The following SPMIP10 variants were observed in gnomAD, a reference collection of about 807,000 sequenced individuals.
The protein encoded by SPMIP10 is sperm-associated microtubule inner protein 10.
At chr5:126,632,587 G>A in the SPMIP10 span, 1 of 1,612,242 alleles carries the variant, frequency 6.2e-7, no homozygotes, top group African/African-American at 1.3e-5. Flanking sequence ...TTAAAGCAAG[G>A]GATGATCCCA....
chr5:126,636,280 C>T, the SPMIP10 span: 1 of 1,491,770 alleles, frequency 6.7e-7, no homozygotes. Flanking sequence ...TCAATCTCTG[C>T]TCTCTTACTG....
At chr5:126,633,813 G>GGGA in the SPMIP10 span, among the ~76,000 whole-genome samples, 1 of 152,014 alleles carries the variant, frequency 6.6e-6, no homozygotes, top group Admixed American at 6.6e-5. Flanking sequence ...ACAGGCACAT[G>GGGA]CCACCATGCC....
chr5:126,631,746 G>T, the SPMIP10 span: 1 of 1,610,954 alleles, frequency 6.2e-7, no homozygotes, highest in Non-Finnish European at 8.5e-7. Flanking sequence ...TGGCTTCAGG[G>T]AAAGATACTT....
chr5:126,633,024 T>TATATATATATATATATATATATATAA, the SPMIP10 span, among the ~76,000 whole-genome samples: 850 of 138,636 alleles, frequency 6.1e-3, 36 homozygotes, highest in African/African-American at 0.025. Context: ...TATATATATA[T>TATATATATATATATATATATATATAA]ATATATATAA....
chr5:126,632,555 G>T, the SPMIP10 span: 2 of 1,591,584 alleles, frequency 1.3e-6, no homozygotes, highest in African/African-American at 2.7e-5. Context: ...GGTATGAAGA[G>T]ATTCATTTGC....
chr5:126,633,412 G>A, the SPMIP10 span, among the ~76,000 whole-genome samples: 1 of 152,012 alleles, frequency 6.6e-6, no homozygotes, highest in African/African-American at 2.4e-5. Context: ...CCAGGCTGGA[G>A]TGCAGTGGCG....
the SPMIP10 span, chr5:126,632,685 A>G: frequency 1.6e-6 from 2 of 1,225,598 alleles, no homozygotes; most frequent in Non-Finnish European, 2.4e-6. Flanking sequence ...ATAAGGAAAA[A>G]AAACAAAAAC....
the SPMIP10 span, among the ~76,000 whole-genome samples, chr5:126,632,127 A>G: frequency 6.6e-6 from 1 of 151,672 alleles, no homozygotes; most frequent in African/African-American, 2.4e-5. Flanking sequence ...GGCAGGGTGC[A>G]GTGGCTCACG....
At chr5:126,633,768 A>G in the SPMIP10 span, among the ~76,000 whole-genome samples, 1 of 152,058 alleles carries the variant, frequency 6.6e-6, no homozygotes, top group Non-Finnish European at 1.5e-5. Flanking sequence ...GGCTCAGGTG[A>G]TCCTCCCACC....
the SPMIP10 span, among the ~76,000 whole-genome samples, chr5:126,635,313 T>A: frequency 6.6e-6 from 1 of 152,046 alleles, no homozygotes; most frequent in South Asian, 2.1e-4. Context: ...CAAACAGTTG[T>A]TATTTATTTA....
chr5:126,634,563 C>T, the SPMIP10 span, among the ~76,000 whole-genome samples: 1 of 152,186 alleles, frequency 6.6e-6, no homozygotes, highest in African/African-American at 2.4e-5. Context: ...CTGACTTTTT[C>T]ATTTATGAGA....
chr5:126,632,720 A>T, the SPMIP10 span: 1 of 945,596 alleles, frequency 1.1e-6, no homozygotes. Flanking sequence ...GGATGCGGTG[A>T]CTTGTGCCAA....
chr5:126,634,538 A>G, the SPMIP10 span, among the ~76,000 whole-genome samples: 1 of 152,240 alleles, frequency 6.6e-6, no homozygotes, highest in Non-Finnish European at 1.5e-5. Context: ...AAGTAGCTTC[A>G]GCATGGTGAC....
chr5:126,635,081 T>C, the SPMIP10 span, among the ~76,000 whole-genome samples: 565 of 151,390 alleles, frequency 3.7e-3, 5 homozygotes, highest in African/African-American at 0.013. Flanking sequence ...GGCAGGAGGA[T>C]TGCTTGAGCC....
At chr5:126,634,860 C>T in the SPMIP10 span, among the ~76,000 whole-genome samples, 6 of 152,146 alleles carry the variant, frequency 3.9e-5, no homozygotes, top group East Asian at 3.9e-4. Context: ...TTAAAAACTG[C>T]ATCTAACAAC....
At chr5:126,636,100 G>T in the SPMIP10 span, 6 of 1,614,076 alleles carry the variant, frequency 3.7e-6, no homozygotes, top group South Asian at 1.1e-5. Context: ...ACAGTGAAAG[G>T]CTTTGCCATG....
At chr5:126,633,392 G>C in the SPMIP10 span, among the ~76,000 whole-genome samples, 5 of 151,892 alleles carry the variant, frequency 3.3e-5, no homozygotes, top group African/African-American at 1.2e-4. Flanking sequence ...ACAGGGTCTC[G>C]CTCTGTCATC....
chr5:126,631,788 C>T, the SPMIP10 span: 4 of 1,611,990 alleles, frequency 2.5e-6, no homozygotes, highest in Admixed American at 1.7e-5. Flanking sequence ...CTAACAACTG[C>T]TCTGATGAGA....
At chr5:126,636,041 G>A in the SPMIP10 span, 1 of 1,613,178 alleles carries the variant, frequency 6.2e-7, no homozygotes, top group South Asian at 1.1e-5. Flanking sequence ...GCAAGCAGAA[G>A]TGTGTGGGAT....
Sources: allele counts gnomAD v4.1 joint callset (sites outside exome capture counted in the v4.1 genomes callset), GRCh38; gene constraint gnomAD v4.1.1; transcripts MANE v1.5; gene names NCBI Gene and HGNC (gene_info 2026-07-23, HGNC 2026-07-21).